Variants in KCNJ13 observed in about 807,000 individuals in gnomAD.
KCNJ13 encodes potassium inwardly rectifying channel subfamily J member 13.
KCNJ13 carries 9 observed loss-of-function variants against 24.6 expected under a neutral mutation model. The observed-to-expected ratio is 0.37, with a 90% CI of 0.22 to 0.64. KCNJ13 has a LOEUF of 0.64. KCNJ13 is among the 30% of genes least tolerant of loss of function. The pLI, the probability that KCNJ13 is intolerant of heterozygous loss-of-function variation, is 0.64. For synonymous variants in KCNJ13, 148 were observed against 154.7 expected, an observed-to-expected ratio of 0.96 and a Z score of 0.32; for missense variants, 337 against 443.8, an observed-to-expected ratio of 0.76 and a Z score of 2.16.
At chr2:232,776,411 G>A (rs1489112703) in intron 1 of KCNJ13, 34 bp downstream of exon 1, 2 of 1,576,758 alleles carry the variant, frequency 1.3e-6, no homozygotes, top group Non-Finnish European at 1.7e-6. Context: ...TTTCCCATAA[G>A]GAAAGAAGAA....
At chr2:232,770,872 T>C (rs1699216667) in intron 2 of KCNJ13, 31 bp downstream of exon 2, 4 of 1,533,240 alleles carry the variant, frequency 2.6e-6, no homozygotes, top group South Asian at 1.1e-5. Context: ...GTTTTTGTTT[T>C]TGTTTTTTTT....
At chr2:232,776,245 T>C (rs1453153543) in intron 1 of KCNJ13, among the ~76,000 whole-genome samples, 200 bp downstream of exon 1, 1 of 152,188 alleles carries the variant, frequency 6.6e-6, no homozygotes, top group Non-Finnish European at 1.5e-5. Flanking sequence ...AAATTTCCAG[T>C]AATACATTCA....
chr2:232,772,013 C>CT (rs1414230659), intron 1 of KCNJ13, among the ~76,000 whole-genome samples: 3 of 152,144 alleles, frequency 2.0e-5, no homozygotes, highest in Non-Finnish European at 2.9e-5. Context: ...GAGACAGGGT[C>CT]TTGCTCTGTC....
rs1161290484 is a variant in KCNJ13 at position 232,765,939 on chromosome 2, A to G, written c.*2252T>C. The G allele has an allele frequency of 1.7e-5, 8 of 460,888 alleles. No individual in the cohort carries two copies. Among genetic ancestry groups the G allele is most frequent in the Non-Finnish European group, 3.1e-5 (7 of 222,696 alleles). The allele number at this position is 460,888 out of a possible 1,614,324, so 28.5% of individuals were successfully genotyped here. On this transcript the variant is annotated 3_prime_UTR_variant, in exon 3 of 3. Transcript: ENST00000233826. Reference sequence around the variant, plus strand: ...TAGTTCCGAAGTAGTCTTCCTGATCATGTGTGCAAGACTTCATGACCAAGC... The same window carrying G: ...TAGTTCCGAAGTAGTCTTCCTGATCGTGTGTGCAAGACTTCATGACCAAGC...
At chr2:232,776,379 TG>T (rs1699513671) in intron 1 of KCNJ13, 65 bp downstream of exon 1, 2 of 1,233,216 alleles carry the variant, frequency 1.6e-6, no homozygotes, top group East Asian at 4.7e-5. Flanking sequence ...TGTTGCTATT[TG>T]CCAGTCAGTT....
chr2:232,768,032 G>T lies in KCNJ13; in HGVS notation c.*159C>A. 1 of 680,492 alleles carries T rather than the reference G, an allele frequency of 1.5e-6. No individual in the cohort carries two copies. Among genetic ancestry groups the T allele is most frequent in the Non-Finnish European group, 2.5e-6 (1 of 400,032 alleles). 42.2% of individuals were successfully genotyped at this position (680,492 alleles called of 1,614,324 possible). A position where few individuals can be genotyped will look rare whatever the true frequency, so the allele number is the denominator to read the frequency against. ...GTAGAGTGTTATGTTTCCAGAATGT[G>T]TATTGTTAGCTCAGCCATTCTTATG... On this transcript the variant is annotated 3_prime_UTR_variant, in exon 3 of 3. Transcript: ENST00000233826.
intron 1 of KCNJ13, among the ~76,000 whole-genome samples, chr2:232,773,876 A>G (rs1699388851): frequency 6.7e-6 from 1 of 148,890 alleles, no homozygotes; most frequent in Non-Finnish European, 1.5e-5. Flanking sequence ...GTTAGAGACC[A>G]GCCTAGGCAA....
intron 1 of KCNJ13, among the ~76,000 whole-genome samples, chr2:232,773,287 T>G (rs948180832): frequency 6.6e-5 from 10 of 152,210 alleles, no homozygotes; most frequent in African/African-American, 1.9e-4. Flanking sequence ...ATAGGCACTG[T>G]GATAACTGCT....
At chr2:232,774,728 AT>A (rs1432883610) in intron 1 of KCNJ13, among the ~76,000 whole-genome samples, 1 of 152,148 alleles carries the variant, frequency 6.6e-6, no homozygotes, top group Non-Finnish European at 1.5e-5. Context: ...CTTGTTCCAC[AT>A]TTGGAGCCAC....
In KCNJ13 at chr2:232,768,182, G is replaced by T. The variant is rs1272838472; in HGVS notation, c.*9C>A. ...GGGTGTATTTAATACATTAAAAAAT[G>T]GATAAGTCTTATTCTGTCAGTCCTG... is the stretch of plus-strand genomic sequence containing the variant. On this transcript the variant is annotated 3_prime_UTR_variant, in exon 3 of 3. Transcript: ENST00000233826. 3 of 1,613,472 alleles carry T rather than the reference G, an allele frequency of 1.9e-6. No individual in the cohort carries two copies. Among genetic ancestry groups the T allele is most frequent in the Non-Finnish European group, 2.5e-6 (3 of 1,179,646 alleles).
In KCNJ13 at chr2:232,768,142, G is replaced by C. The variant is rs757048919; in HGVS notation, c.*49C>G. 1.3e-6 allele frequency: 2 copies of C among 1,582,598 alleles called. No homozygotes were observed. Among genetic ancestry groups the C allele is most frequent in the South Asian group, 2.2e-5 (2 of 89,912 alleles). Reference sequence around the variant, plus strand: ...CATGAGATACAGTAAAGAAAAAGTAGCTGCATAACTGGCTGGGTGTATTTA... The same window carrying C: ...CATGAGATACAGTAAAGAAAAAGTACCTGCATAACTGGCTGGGTGTATTTA... On this transcript the variant is annotated 3_prime_UTR_variant, in exon 3 of 3. Coordinates refer to ENST00000233826, the MANE Select transcript of KCNJ13 (RefSeq NM_002242.4).
Position 232,768,013 on chromosome 2 carries a change from T to A in KCNJ13, c.*178A>T. ...AGGTAACAAACTTTGTAATGTAGAG[T>A]GTTATGTTTCCAGAATGTGTATTGT... On this transcript the variant is annotated 3_prime_UTR_variant, in exon 3 of 3. Transcript: ENST00000233826. 1.6e-6 allele frequency: 1 copy of A among 624,330 alleles called. No individual in the cohort carries two copies. The allele number at this position is 624,330 out of a possible 1,614,324, so 38.7% of individuals were successfully genotyped here.
intron 2 of KCNJ13, among the ~76,000 whole-genome samples, chr2:232,769,488 A>G (rs1448272770): frequency 1.4e-5 from 2 of 147,484 alleles, no homozygotes; most frequent in African/African-American, 5.0e-5. Flanking sequence ...CCTGGGCAAC[A>G]GAGGAAGACT....
intron 1 of KCNJ13, among the ~76,000 whole-genome samples, chr2:232,775,205 G>A (rs1298457453): frequency 1.3e-5 from 2 of 152,086 alleles, no homozygotes; most frequent in African/African-American, 4.8e-5. Context: ...CTTATAGTCA[G>A]TGTGGTTTAG....
rs1181517529 is a variant in KCNJ13 at position 232,770,992 on chromosome 2, G to A, written c.371C>T (p.Thr124Ile). The A allele has an allele frequency of 6.2e-7, 1 of 1,613,906 alleles. No homozygotes were observed. The highest frequency in any genetic ancestry group is 1.3e-5 in the African/African-American group (1 of 74,896). The part of the protein sequence containing the change: ...LETQLTIGYG[T>I]MFPSGDCPSA... Reference sequence around the variant, plus strand: ...TGGACAGTCACCACTGGGGAACATGGTACCATAACCAATTGTGAGTTGTGT... The same window carrying A: ...TGGACAGTCACCACTGGGGAACATGATACCATAACCAATTGTGAGTTGTGT... The change falls in exon 2 of 3, where the codon ACC becomes ATC. Residue 124 changes from threonine to isoleucine, a missense_variant. By Grantham distance (89) the Thr-to-Ile change is moderately conservative (BLOSUM62 -1). This residue lies in a region of KCNJ13 where 1 missense variants were observed against 17.7 expected (regional missense o/e 0.06). Transcript: ENST00000233826.
At position 232,766,967 on chromosome 2, in the gene KCNJ13, G is replaced by A. The variant is rs1698991584; in HGVS notation, c.*1224C>T. ...TGGTTTTTGTTTTGTTTTAAGGACA[G>A]TTTCTCTTTTTTTTATTGAAATGAA... On this transcript the variant is annotated 3_prime_UTR_variant, in exon 3 of 3. Coordinates refer to ENST00000233826, the MANE Select transcript of KCNJ13 (RefSeq NM_002242.4). 6.6e-6 allele frequency: 1 copy of A among 152,070 alleles called. No individual in the cohort carries two copies. The highest frequency in any genetic ancestry group is 2.4e-5 in the African/African-American group (1 of 41,416). 9.4% of individuals were successfully genotyped at this position (152,070 alleles called of 1,614,324 possible).
chr2:232,773,092 T>C (rs574993054), intron 1 of KCNJ13, among the ~76,000 whole-genome samples: 15 of 152,324 alleles, frequency 9.8e-5, no homozygotes, highest in African/African-American at 2.6e-4. Context: ...TCATATGATA[T>C]AGACTTTAAA....
chr2:232,770,658 C>T (rs1418412695), intron 2 of KCNJ13, among the ~76,000 whole-genome samples: 1 of 151,262 alleles, frequency 6.6e-6, no homozygotes, highest in East Asian at 1.9e-4. Flanking sequence ...TCATACTGAT[C>T]TCTTTTTTCT....
chr2:232,774,043 A>G (rs1051152365), intron 1 of KCNJ13, among the ~76,000 whole-genome samples: 1 of 151,728 alleles, frequency 6.6e-6, no homozygotes, highest in Non-Finnish European at 1.5e-5. Flanking sequence ...GCACTTTGGG[A>G]CGTTGAGTCG....
Sources: gnomAD v4.1 joint callset for allele counts (sites outside exome capture counted in the v4.1 genomes callset) on GRCh38, gnomAD v4.1.1 for gene constraint, gnomAD v4.1.1 regional missense constraint, MANE v1.5 for transcripts, NCBI Gene and HGNC (gene_info 2026-07-23, HGNC 2026-07-21) for gene names.